The following XRCC6 variants were observed in gnomAD, a reference collection of about 807,000 sequenced individuals.
XRCC6 encodes the protein DNA repair protein Ku70.
XRCC6 carries 5 observed loss-of-function variants against 65.7 expected under a neutral mutation model. The observed-to-expected ratio is 0.08, with a 90% CI of 0.04 to 0.16. The LOEUF (loss-of-function observed/expected upper bound fraction) is 0.16. XRCC6 is among the 10% of genes least tolerant of loss of function. The pLI is 1.00. For missense variants in XRCC6, 447 were observed against 738.1 expected, an observed-to-expected ratio of 0.61 and a Z score of 4.57; for synonymous variants, 270 against 270.6, an observed-to-expected ratio of 1.00 and a Z score of 0.02.
chr22:41,635,873 T>G (rs545491116), intron 3 of XRCC6, among the ~76,000 whole-genome samples: 38 of 152,282 alleles, frequency 2.5e-4, no homozygotes, highest in African/African-American at 9.1e-4. Flanking sequence ...ATTCTCTGAT[T>G]TCAATGGCAG....
At chr22:41,636,061 A>G (rs2067806144) in intron 3 of XRCC6, 52 bp from the exon 4 acceptor site, 12 of 1,519,734 alleles carry the variant, frequency 7.9e-6, no homozygotes, top group African/African-American at 1.4e-5. Flanking sequence ...CTGAGCACTT[A>G]TGGAGCTTCC....
chr22:41,635,654 C>T (rs754843458), intron 3 of XRCC6, among the ~76,000 whole-genome samples: 33 of 152,034 alleles, frequency 2.2e-4, no homozygotes, highest in Non-Finnish European at 4.1e-4. Context: ...GATCTTTCAC[C>T]TCTGCTTCCC....
At chr22:41,631,501 G>A (rs1324151040) in intron 3 of XRCC6, among the ~76,000 whole-genome samples, 2 of 148,608 alleles carry the variant, frequency 1.3e-5, no homozygotes, top group African/African-American at 2.5e-5. Context: ...GGTCACGGCT[G>A]GGCAGAGGCG....
rs556414284 is a variant in XRCC6 at position 41,631,243 on chromosome 22, A to T, written c.195+3013A>T. ...GGCAGAGGCGCCCCTCACCTCCCGG[A>T]TGGGGCGGCTGGCCTGGCTGGGGCT... On this transcript the variant is annotated intron_variant, in intron 3 of 12. Transcript: ENST00000360079. Among the ~76,000 whole-genome samples the T allele has an allele frequency of 2.7e-5, 4 of 149,096 alleles. No individual in the cohort carries two copies. In the East Asian group the frequency reaches 8.2e-4, roughly 30 times the overall value.
chr22:41,627,348 C>T (rs527582608), intron 2 of XRCC6, among the ~76,000 whole-genome samples: 4 of 151,974 alleles, frequency 2.6e-5, no homozygotes, highest in Non-Finnish European at 4.4e-5. Flanking sequence ...CGGTGGCTCA[C>T]GTCTATAATC....
chr22:41,625,424 A>G (rs1282997851), intron 2 of XRCC6, among the ~76,000 whole-genome samples: 6 of 152,180 alleles, frequency 3.9e-5, no homozygotes, highest in Non-Finnish European at 7.3e-5. Context: ...TGAGGTCGGG[A>G]GTTTGAGACC....
chr22:41,623,121 AGG>A, intron 2 of XRCC6, among the ~76,000 whole-genome samples: 1 of 152,256 alleles, frequency 6.6e-6, no homozygotes, highest in East Asian at 1.9e-4. Flanking sequence ...TAATAGAGAC[AGG>A]CTGGAGTGCA....
chr22:41,637,802 A>G lies in XRCC6; in HGVS notation c.773+11A>G. 6.2e-7 allele frequency: 1 copy of G among 1,612,358 alleles called. No individual in the cohort carries two copies. Among genetic ancestry groups the G allele is most frequent in the South Asian group, 1.1e-5 (1 of 90,848 alleles). The stretch of plus-strand genomic sequence containing the variant: ...GCGAGCACTCAGCAGGTGTGCACTC[A>G]GCCCGGGTCAGCTGCCTACACTGCC... On this transcript the variant is annotated intron_variant, in intron 6 of 12. Transcript: ENST00000360079.
rs889386075 is a variant in XRCC6, at chr22:41,628,237, CTACCTTTTAA to C, written c.195+9_195+18del. The C allele has an allele frequency of 1.2e-6, 2 of 1,603,676 alleles. No homozygotes were observed. The highest frequency in any genetic ancestry group is 1.7e-5 in the Admixed American group (1 of 58,506). ...TTTTGACATGAGCATCCAGGTAAGA[CTACCTTTTAA>C]TTTAAGACAAATTTAAAAACAGTAT... is the stretch of plus-strand genomic sequence containing the variant. On this transcript the variant is annotated splice_region_variant and intron_variant, in intron 3 of 12. Coordinates refer to ENST00000360079, the MANE Select transcript of XRCC6 (RefSeq NM_001469.5).
At chr22:41,662,281 G>A (rs1350050502) in intron 12 of XRCC6, among the ~76,000 whole-genome samples, 2 of 152,108 alleles carry the variant, frequency 1.3e-5, no homozygotes, top group Admixed American at 1.3e-4. Flanking sequence ...ATGCTGATGT[G>A]ATTATTTCAC....
rs132772 is a variant in XRCC6 at position 41,635,708 on chromosome 22, G to GTT, written c.196-397_196-396dup. On this transcript the variant is annotated intron_variant, in intron 3 of 12. Transcript: ENST00000360079. ...GCTGCCATGCCCAGCTAATTTTTTT[G>GTT]TTTTTTTTTGTTTGGTAGAGATGGA... 5.0e-4 allele frequency among the ~76,000 whole-genome samples: 74 copies of GTT among 149,460 alleles called. No homozygotes were observed. The South Asian group carries it at 6.6e-3, about 13-fold the overall frequency.
chr22:41,624,823 C>T (rs2067651451), intron 2 of XRCC6, among the ~76,000 whole-genome samples: 1 of 149,426 alleles, frequency 6.7e-6, no homozygotes, highest in African/African-American at 2.5e-5. Context: ...CGGTGAAACC[C>T]TGTGTCTACT....
rs2067806788 is a variant in XRCC6 at position 41,636,106 on chromosome 22, T to A, written c.196-7T>A. 6.4e-7 allele frequency: 1 copy of A among 1,570,802 alleles called. No homozygotes were observed. The highest frequency in any genetic ancestry group is 2.1e-5 in the Admixed American group (1 of 47,002). On this transcript the variant is annotated splice_polypyrimidine_tract_variant and splice_region_variant and intron_variant, in intron 3 of 12. Transcript: ENST00000360079. The stretch of plus-strand genomic sequence containing the variant: ...TAAGTAAATATTAATTGAATTTTTT[T>A]TTTCAGTGTATCCAAAGTGTGTACA...
chr22:41,638,802 A>G (rs369225353), intron 6 of XRCC6, among the ~76,000 whole-genome samples: 3 of 151,638 alleles, frequency 2.0e-5, no homozygotes, highest in African/African-American at 7.3e-5. Context: ...AAAAAAAGAA[A>G]TATGGTATAA....
intron 3 of XRCC6, among the ~76,000 whole-genome samples, chr22:41,634,688 G>A (rs1601534905): frequency 6.6e-6 from 1 of 152,180 alleles, no homozygotes; most frequent in East Asian, 1.9e-4. Context: ...AGGATTACAG[G>A]CACGTGCTAC....
At chr22:41,657,490 T>TTTTTTA (rs1555907705) in intron 10 of XRCC6, among the ~76,000 whole-genome samples, 2 of 138,244 alleles carry the variant, frequency 1.4e-5, no homozygotes, top group African/African-American at 2.7e-5. Flanking sequence ...TTTTTAAAAA[T>TTTTTTA]TTATTATTAT....
intron 3 of XRCC6, 52 bp from the exon 4 acceptor site, chr22:41,636,061 A>C: frequency 6.6e-7 from 1 of 1,519,734 alleles, no homozygotes; most frequent in Non-Finnish European, 8.8e-7. Flanking sequence ...CTGAGCACTT[A>C]TGGAGCTTCC....
intron 11 of XRCC6, among the ~76,000 whole-genome samples, chr22:41,658,582 A>T (rs2068068072): frequency 6.6e-6 from 1 of 152,196 alleles, no homozygotes; most frequent in Non-Finnish European, 1.5e-5. Context: ...CTGCCTCTGC[A>T]CTAGGCCGCC....
chr22:41,660,718 C>T (rs1023394120), intron 11 of XRCC6, among the ~76,000 whole-genome samples: 10 of 152,134 alleles, frequency 6.6e-5, no homozygotes, highest in Non-Finnish European at 1.5e-4. Flanking sequence ...TCCAGTGTGC[C>T]TGTACAGTCG....
Sources: gnomAD v4.1 joint callset for allele counts (sites outside exome capture counted in the v4.1 genomes callset) on GRCh38, gnomAD v4.1.1 for gene constraint, MANE v1.5 for transcripts, NCBI Gene and HGNC (gene_info 2026-07-23, HGNC 2026-07-21) for gene names.